Variants in QTGAL observed in about 807,000 individuals in gnomAD.
QTGAL encodes the protein queuosine-tRNA galactosyltransferase.
At chr17:82,950,519 G>A in the QTGAL span, among the ~76,000 whole-genome samples, 7 of 152,210 alleles carry the variant, frequency 4.6e-5, no homozygotes, top group South Asian at 2.1e-4. Flanking sequence ...ACTGCTTCTC[G>A]GAGCCTCCCG....
the QTGAL span, among the ~76,000 whole-genome samples, chr17:82,972,554 T>TA: frequency 1.4e-5 from 1 of 69,632 alleles, no homozygotes; most frequent in Non-Finnish European, 2.5e-5. Flanking sequence ...CCACAGGGGA[T>TA]AGAAGGACCT....
the QTGAL span, among the ~76,000 whole-genome samples, chr17:83,033,871 T>G: frequency 6.6e-6 from 1 of 152,216 alleles, no homozygotes; most frequent in Non-Finnish European, 1.5e-5. Context: ...AGAAAGTTTA[T>G]TAGTTGTTTG....
chr17:83,032,070 G>A, the QTGAL span, among the ~76,000 whole-genome samples: 15 of 148,828 alleles, frequency 1.0e-4, no homozygotes, highest in South Asian at 1.1e-3. Context: ...GACCGAACTC[G>A]GGAGCTGAAC....
chr17:82,970,586 ACC>A, the QTGAL span, among the ~76,000 whole-genome samples: 3 of 134,358 alleles, frequency 2.2e-5, no homozygotes, highest in African/African-American at 3.4e-5. Context: ...CGTGGCCGCG[ACC>A]TCCGCACCCG....
the QTGAL span, chr17:83,006,857 C>A: frequency 1.0e-6 from 1 of 964,048 alleles, no homozygotes; most frequent in South Asian, 4.8e-5. The surrounding 1 kb of genome is among the most constrained non-coding windows in gnomAD (Gnocchi z 5.8). Context: ...CCCAGGAGAG[C>A]AACTGCCGGG....
the QTGAL span, among the ~76,000 whole-genome samples, chr17:82,993,858 T>C: frequency 3.9e-5 from 6 of 152,096 alleles, no homozygotes; most frequent in Non-Finnish European, 8.8e-5. Context: ...AAGAGGAATT[T>C]TGGAAACTAT....
the QTGAL span, among the ~76,000 whole-genome samples, chr17:83,012,784 CA>C: frequency 6.6e-6 from 1 of 152,198 alleles, no homozygotes; most frequent in African/African-American, 2.4e-5. Flanking sequence ...CATTTTCCCC[CA>C]TTTTCCCCCT....
chr17:82,947,021 T>A, the QTGAL span: 1 of 1,540,348 alleles, frequency 6.5e-7, no homozygotes, highest in East Asian at 2.4e-5. Context: ...TCCGGTCTCC[T>A]GGCTCTAGGA....
the QTGAL span, among the ~76,000 whole-genome samples, chr17:83,049,976 C>T: frequency 6.6e-6 from 1 of 152,004 alleles, no homozygotes; most frequent in Non-Finnish European, 1.5e-5. Context: ...AATTTATATC[C>T]AAAAAAGAAA....
At chr17:82,974,918 AG>A in the QTGAL span, among the ~76,000 whole-genome samples, 25 of 148,196 alleles carry the variant, frequency 1.7e-4, no homozygotes, top group East Asian at 4.8e-3. Context: ...ATGGGGAACC[AG>A]GGCCCCAGGA....
chr17:83,001,024 G>A, the QTGAL span, among the ~76,000 whole-genome samples: 1 of 152,214 alleles, frequency 6.6e-6, no homozygotes, highest in Non-Finnish European at 1.5e-5. Context: ...GTTGACTGTG[G>A]TGGGTCACTG....
chr17:83,018,222 G>C, the QTGAL span, among the ~76,000 whole-genome samples: 1 of 147,316 alleles, frequency 6.8e-6, no homozygotes, highest in South Asian at 2.1e-4. Context: ...GCCTGTATCA[G>C]GTACCACACG....
At chr17:83,034,948 CA>C in the QTGAL span, 2 of 1,145,424 alleles carry the variant, frequency 1.7e-6, no homozygotes, top group Non-Finnish European at 1.3e-6. Context: ...AAATGATTTT[CA>C]AGAACCGCAC....
the QTGAL span, chr17:83,014,606 A>C: frequency 6.9e-7 from 1 of 1,445,756 alleles, no homozygotes; most frequent in African/African-American, 1.4e-5. Context: ...CCCAGGCTGG[A>C]GTGCAACGGC....
the QTGAL span, chr17:83,006,692 C>T: frequency 6.1e-6 from 6 of 985,382 alleles, no homozygotes; most frequent in South Asian, 1.4e-4. This position sits in a 1 kb window ranked among gnomAD's most constrained non-coding sequence, Gnocchi z 5.8. Flanking sequence ...GTGCAGGAGG[C>T]GGCCTTCTGT....
At chr17:82,970,534 C>T in the QTGAL span, among the ~76,000 whole-genome samples, 2 of 130,642 alleles carry the variant, frequency 1.5e-5, no homozygotes, top group Non-Finnish European at 3.1e-5. Context: ...CCAGCGTGGC[C>T]GCGACCTCCG....
the QTGAL span, among the ~76,000 whole-genome samples, chr17:83,018,851 C>T: frequency 5.9e-5 from 9 of 152,290 alleles, no homozygotes; most frequent in Admixed American, 5.2e-4. Flanking sequence ...CTCCAGAGGC[C>T]GCACTGACTC....
the QTGAL span, among the ~76,000 whole-genome samples, chr17:83,027,145 C>T: frequency 1.3e-5 from 2 of 149,292 alleles, no homozygotes; most frequent in African/African-American, 5.0e-5. Context: ...TGGACAGACA[C>T]ACGGAGGGGG....
the QTGAL span, chr17:82,956,895 T>A: frequency 8.5e-7 from 1 of 1,181,674 alleles, no homozygotes; most frequent in Non-Finnish European, 1.2e-6. The surrounding 1 kb of genome is among the most constrained non-coding windows in gnomAD (Gnocchi z 5.7). Context: ...GCAGATAACG[T>A]GCCAGGGTCA....
Sources: allele counts gnomAD v4.1 joint callset (sites outside exome capture counted in the v4.1 genomes callset), GRCh38; gene constraint gnomAD v4.1.1; non-coding constraint Gnocchi (gnomAD v3.1); transcripts MANE v1.5; gene names NCBI Gene and HGNC (gene_info 2026-07-23, HGNC 2026-07-21).